IQCM: variants seen among roughly 807,000 people sequenced by gnomAD.
IQCM encodes IQ motif containing M.
In IQCM, 45 loss-of-function variants were observed where a neutral mutation model predicts 57.6. That is an observed-to-expected ratio of 0.78 (90% CI 0.62 to 1.00). The LOEUF is 1.00. Among genes scored for constraint, IQCM ranks in the 50% least tolerant of loss-of-function variants. IQCM has a pLI of 0.00. For synonymous variants in IQCM, 148 were observed against 158.9 expected (o/e 0.93, Z 0.51); for missense variants, 468 against 511.6 (o/e 0.91, Z 0.82).
chr4:149,366,357 C>T (rs371860210), intron 13 of IQCM, among the ~76,000 whole-genome samples: 12 of 151,804 alleles, frequency 7.9e-5, no homozygotes, highest in South Asian at 4.2e-4. Flanking sequence ...AAGAAAGAAC[C>T]CTATTTCAAT....
intron 13 of IQCM, among the ~76,000 whole-genome samples, chr4:149,404,162 C>G (rs1276643668): frequency 1.3e-5 from 2 of 151,992 alleles, no homozygotes; most frequent in Non-Finnish European, 2.9e-5. Flanking sequence ...CTTCGATACA[C>G]CTTGCAACAT....
At chr4:149,620,820 C>G (rs759581071) in intron 8 of IQCM, among the ~76,000 whole-genome samples, 3 of 152,158 alleles carry the variant, frequency 2.0e-5, no homozygotes, top group Non-Finnish European at 2.9e-5. Context: ...TCTTGACAGT[C>G]TATGTACCAT....
intron 8 of IQCM, among the ~76,000 whole-genome samples, chr4:149,602,019 G>C (rs1273092038): frequency 7.4e-6 from 1 of 135,036 alleles, no homozygotes; most frequent in Admixed American, 8.4e-5. Context: ...GTGCCACTGC[G>C]CTCCAGCCTG....
chr4:149,678,037 A>T lies in IQCM; in HGVS notation c.565+4081T>A, dbSNP rs569669952. 5.5e-4 allele frequency among the ~76,000 whole-genome samples: 84 copies of T among 152,022 alleles called. 1 individual carries two copies. The South Asian group carries it at 0.015, about 28-fold the overall frequency. Reference sequence around the variant, plus strand: ...AAAGATCACCTAAAAGATATAGAAAATTACCTCAAAAGACCAAATCTAAGA... The same window carrying T: ...AAAGATCACCTAAAAGATATAGAAATTTACCTCAAAAGACCAAATCTAAGA... On this transcript the variant is annotated intron_variant, in intron 7 of 13. Transcript: ENST00000636793.
At chr4:149,457,814 G>T (rs1737856291) in intron 12 of IQCM, among the ~76,000 whole-genome samples, 2 of 151,914 alleles carry the variant, frequency 1.3e-5, no homozygotes, top group South Asian at 4.1e-4. Flanking sequence ...CTCCCTTTTG[G>T]TAATAAAGAA....
At chr4:149,807,376 C>T (rs1208796292) in intron 2 of IQCM, among the ~76,000 whole-genome samples, 1 of 151,882 alleles carries the variant, frequency 6.6e-6, no homozygotes, top group Non-Finnish European at 1.5e-5. Flanking sequence ...ACTAGATATC[C>T]ATATGTAGAA....
At chr4:149,432,852 T>C (rs975413389) in intron 13 of IQCM, among the ~76,000 whole-genome samples, 6 of 151,980 alleles carry the variant, frequency 3.9e-5, no homozygotes, top group African/African-American at 9.7e-5. Context: ...GACATACAAA[T>C]AGCGAATACT....
At chr4:149,363,390 T>C (rs1560774855) in intron 13 of IQCM, among the ~76,000 whole-genome samples, 2 of 152,302 alleles carry the variant, frequency 1.3e-5, no homozygotes, top group East Asian at 3.9e-4. Context: ...TCTAGAATGA[T>C]GTATTTATAA....
intron 12 of IQCM, among the ~76,000 whole-genome samples, chr4:149,538,283 A>G (rs956416674): frequency 6.6e-6 from 1 of 151,792 alleles, no homozygotes; most frequent in African/African-American, 2.4e-5. Flanking sequence ...CAAAGTGACT[A>G]CGTTTAACTG....
At chr4:149,528,789 T>C (rs983016188) in intron 12 of IQCM, among the ~76,000 whole-genome samples, 1 of 152,142 alleles carries the variant, frequency 6.6e-6, no homozygotes, top group Non-Finnish European at 1.5e-5. Flanking sequence ...TGACCATCAG[T>C]TAACTTGACA....
At chr4:149,582,867 G>A (rs1332390237) in intron 9 of IQCM, among the ~76,000 whole-genome samples, 1 of 151,396 alleles carries the variant, frequency 6.6e-6, no homozygotes, top group Non-Finnish European at 1.5e-5. Context: ...GTTTTTAGGT[G>A]AGAAATTTTA....
At chr4:149,608,281 C>T (rs940585275) in intron 8 of IQCM, among the ~76,000 whole-genome samples, 1 of 151,790 alleles carries the variant, frequency 6.6e-6, no homozygotes, top group African/African-American at 2.4e-5. Flanking sequence ...TTTACCAGAA[C>T]TAAAGACAAA....
intron 13 of IQCM, among the ~76,000 whole-genome samples, chr4:149,385,347 G>A (rs777240440): frequency 2.6e-5 from 4 of 151,982 alleles, no homozygotes; most frequent in Non-Finnish European, 4.4e-5. Flanking sequence ...TAGACACCAC[G>A]GTAGCAGCCT....
At chr4:149,589,466 T>A (rs1752925584) in intron 8 of IQCM, among the ~76,000 whole-genome samples, 1 of 152,000 alleles carries the variant, frequency 6.6e-6, no homozygotes, top group African/African-American at 2.4e-5. Context: ...AGAAAGTGTG[T>A]TTATCCTGCA....
intron 2 of IQCM, among the ~76,000 whole-genome samples, chr4:149,785,819 TA>T (rs34985606): frequency 0.027 from 3,783 of 140,546 alleles, 176 homozygotes; most frequent in East Asian, 0.14. Context: ...TTTAAAAATG[TA>T]AAAAAAAAAA....
At chr4:149,549,607 G>A (rs1407158603) in intron 11 of IQCM, among the ~76,000 whole-genome samples, 2 of 152,196 alleles carry the variant, frequency 1.3e-5, no homozygotes, top group African/African-American at 2.4e-5. Flanking sequence ...GTGACACTGA[G>A]TTTCTACTTT....
chr4:149,766,568 T>G (rs6824353), intron 2 of IQCM, among the ~76,000 whole-genome samples: 12,692 of 152,166 alleles, frequency 0.083, 1,412 homozygotes, highest in African/African-American at 0.25. Flanking sequence ...GAGTGTAGTT[T>G]TGTATTGTCC....
intron 8 of IQCM, among the ~76,000 whole-genome samples, chr4:149,616,354 C>T (rs576696200): frequency 4.6e-5 from 7 of 152,158 alleles, no homozygotes; most frequent in East Asian, 1.9e-4. Context: ...AAATATTCTA[C>T]GATTCTGTTT....
rs1373607907 is a variant in IQCM at position 149,546,241 on chromosome 4, A to C, written c.1228+2214T>G. Among the ~76,000 whole-genome samples the C allele has an allele frequency of 2.6e-5, 4 of 152,280 alleles. No homozygotes were observed. The South Asian group carries it at 6.2e-4, about 24-fold the overall frequency. ...ATTGATGGACACTTGGGTTGCTTCC[A>C]AGTCTTTGCTATTGTGAATAGTGCC... On this transcript the variant is annotated intron_variant, in intron 12 of 13. Coordinates refer to ENST00000636793, the MANE Select transcript of IQCM (RefSeq NM_001363507.2).
Sources: allele counts gnomAD v4.1 joint callset (sites outside exome capture counted in the v4.1 genomes callset), GRCh38; gene constraint gnomAD v4.1.1; transcripts MANE v1.5; gene names NCBI Gene and HGNC (gene_info 2026-07-23, HGNC 2026-07-21).